Variants in CH25H observed in about 807,000 individuals in gnomAD.
CH25H encodes cholesterol 25-monooxygenase.
In CH25H, 10 loss-of-function variants were observed where a neutral mutation model predicts 16.6. The observed-to-expected ratio is 0.60, with a 90% CI of 0.37 to 1.02. The LOEUF is 1.02. CH25H is among the 50% of genes least tolerant of loss of function. CH25H has a pLI of 0.01. For missense variants in CH25H, 326 were observed against 344.7 expected, an observed-to-expected ratio of 0.95 and a Z score of 0.43; for synonymous variants, 178 against 158.8, an observed-to-expected ratio of 1.12 and a Z score of -0.91.
rs1564744896 is a variant in CH25H at position 89,206,219 on chromosome 10, T to C, written c.*255A>G. ...ATGCCAGTGATGAATGTCTAATTCA[T>C]ATGCAGGATTCAAGGCTATTGAGGT... On this transcript the variant is annotated 3_prime_UTR_variant, in exon 1 of 1. Coordinates refer to ENST00000371852, the MANE Select transcript of CH25H (RefSeq NM_003956.4). 6.7e-6 allele frequency: 3 copies of C among 447,384 alleles called. No individual in the cohort carries two copies. Among genetic ancestry groups the C allele is most frequent in the Non-Finnish European group, 1.2e-5 (3 of 247,028 alleles). 27.7% of individuals were successfully genotyped at this position (447,384 alleles called of 1,614,324 possible).
Position 89,206,648 on chromosome 10 carries a change from G to T in CH25H, c.645C>A (p.His215Gln). 1 of 1,614,262 alleles carries T rather than the reference G, an allele frequency of 6.2e-7. No individual in the cohort carries two copies. Among genetic ancestry groups the T allele is most frequent in the Non-Finnish European group, 8.5e-7 (1 of 1,180,046 alleles). The change falls in exon 1 of 1, where the codon CAC becomes CAA. Residue 215 changes from histidine to glutamine, a missense_variant. His to Gln is a conservative substitution (Grantham distance 24, BLOSUM62 0). Coordinates refer to ENST00000371852, the MANE Select transcript of CH25H (RefSeq NM_003956.4). ...VVNIWLSVED[H>Q]SGYNFPWSTH... ...TGGACCAAGGGAAGTTGTAGCCGGA[G>T]TGGTCCTCCACGGAAAGCCAGATGT...
rs1416085475 is a variant in CH25H at position 89,206,877 on chromosome 10, A to C, written c.416T>G (p.Phe139Cys). ...LFCLLLFDME[F>C]FVWHLLHHKV... ...GTGGTGCAGCAGGTGCCACACGAAGAACTCCATGTCGAAGAGTAGCAGGCA... is the reference window on the plus strand; with the variant it reads ...GTGGTGCAGCAGGTGCCACACGAAGCACTCCATGTCGAAGAGTAGCAGGCA... Residue 139 changes from phenylalanine to cysteine, a missense_variant, in exon 1 of 1, where the codon TTC (phenylalanine) becomes TGC (cysteine). By Grantham distance (205) the Phe-to-Cys change is radical (BLOSUM62 -2). Transcript: ENST00000371852. 1.2e-6 allele frequency: 2 copies of C among 1,614,242 alleles called. No homozygotes were observed. The highest frequency in any genetic ancestry group is 2.2e-5 in the South Asian group (2 of 91,088).
Position 89,206,025 on chromosome 10 carries a change from A to C in CH25H, c.*449T>G. 1 of 156,118 alleles carries C rather than the reference A, an allele frequency of 6.4e-6. No homozygotes were observed. 9.7% of individuals were successfully genotyped at this position (156,118 alleles called of 1,614,324 possible). On this transcript the variant is annotated 3_prime_UTR_variant, in exon 1 of 1. Coordinates refer to ENST00000371852, the MANE Select transcript of CH25H (RefSeq NM_003956.4). The stretch of plus-strand genomic sequence containing the variant: ...TACAGTTCTATAAAAAAATATAAGA[A>C]GGTACTATAATTCTTGGTCACTGTC...
Position 89,206,271 on chromosome 10 carries a change from CA to C in CH25H, c.*202del. The C allele has an allele frequency of 3.5e-6, 2 of 568,360 alleles. No homozygotes were observed. Among genetic ancestry groups the C allele is most frequent in the Non-Finnish European group, 3.1e-6 (1 of 319,942 alleles). The allele number at this position is 568,360 out of a possible 1,614,324, so 35.2% of individuals were successfully genotyped here. A position where few individuals can be genotyped will look rare whatever the true frequency, so the allele number is the denominator to read the frequency against. The stretch of plus-strand genomic sequence containing the variant: ...AGCTAGACTAAGAATACCAAGAACA[CA>C]AAATTGTATTGATACACAAACAGTA... On this transcript the variant is annotated 3_prime_UTR_variant, in exon 1 of 1. Transcript: ENST00000371852.
Position 89,206,616 on chromosome 10 carries a change from C to G in CH25H, c.677G>C (p.Arg226Thr). The change falls in exon 1 of 1, where the codon AGA (arginine) becomes ACA (threonine). Residue 226 changes from arginine (R) to threonine (T), a missense_variant. Physicochemically the swap from Arg to Thr is moderately conservative, Grantham distance 71. Coordinates refer to ENST00000371852, the MANE Select transcript of CH25H (RefSeq NM_003956.4). ...SGYNFPWSTH[R>T]LVPFGWYGGV... ...CCCGTACCACCCGAAGGGCACCAGTCTGTGAGTGGACCAAGGGAAGTTGTA... is the reference window on the plus strand; with the variant it reads ...CCCGTACCACCCGAAGGGCACCAGTGTGTGAGTGGACCAAGGGAAGTTGTA... 1 of 1,614,218 alleles carries G rather than the reference C, an allele frequency of 6.2e-7. No homozygotes were observed. Among genetic ancestry groups the G allele is most frequent in the Non-Finnish European group, 8.5e-7 (1 of 1,180,038 alleles).
In CH25H at chr10:89,207,206, G is replaced by C. The variant is rs756835272; in HGVS notation, c.87C>G (p.Ser29Arg). Residue 29 changes from serine (S) to arginine (R), a missense_variant, in exon 1 of 1, where the codon AGC becomes AGG. By Grantham distance (110) the Ser-to-Arg change is moderately radical. Coordinates refer to ENST00000371852, the MANE Select transcript of CH25H (RefSeq NM_003956.4). ...AGGGCGACTGTAGGAGGGCCTCCCAGCTCCTCAGGTGGTCCCAGAGGGGCT... is the reference window on the plus strand; with the variant it reads ...AGGGCGACTGTAGGAGGGCCTCCCACCTCCTCAGGTGGTCCCAGAGGGGCT... ...FLQPLWDHLR[S>R]WEALLQSPFF... 2 of 1,609,516 alleles carry C rather than the reference G, an allele frequency of 1.2e-6. No individual in the cohort carries two copies. The highest frequency in any genetic ancestry group is 1.3e-5 in the African/African-American group (1 of 75,050).
At position 89,206,534 on chromosome 10, in the gene CH25H, G is replaced by A; in HGVS notation, c.759C>T (p.Tyr253=). 1.9e-6 allele frequency: 3 copies of A among 1,614,008 alleles called. No homozygotes were observed. The highest frequency in any genetic ancestry group is 1.1e-5 in the South Asian group (1 of 91,040). The part of the protein sequence containing the change: ...HSHFNCNFAP[Y]FTHWDKILGT... Reference sequence around the variant, plus strand: ...CCAGTATTTTGTCCCAGTGTGTAAAGTACGGAGCGAAGTTGCAGTTAAAGT... The same window carrying A: ...CCAGTATTTTGTCCCAGTGTGTAAAATACGGAGCGAAGTTGCAGTTAAAGT... Residue 253 remains tyrosine (Y), a synonymous_variant, in exon 1 of 1, where the codon TAC becomes TAT. Coordinates refer to ENST00000371852, the MANE Select transcript of CH25H (RefSeq NM_003956.4).
rs1842500811 is a variant in CH25H at position 89,205,926 on chromosome 10, G to C, written c.*548C>G. On this transcript the variant is annotated 3_prime_UTR_variant, in exon 1 of 1. Coordinates refer to ENST00000371852, the MANE Select transcript of CH25H (RefSeq NM_003956.4). ...TATCAGTCAAAATACCAGTGAAACG[G>C]AAGTCAATACTTATTTGATTCATGG... 6.5e-6 allele frequency: 1 copy of C among 153,306 alleles called. No individual in the cohort carries two copies. The highest frequency in any genetic ancestry group is 2.4e-5 in the African/African-American group (1 of 41,414). The allele number at this position is 153,306 out of a possible 1,614,324, so 9.5% of individuals were successfully genotyped here.
rs1385646418 is a variant in CH25H at position 89,205,743 on chromosome 10, G to A, written c.*731C>T. ...GAATATTAGCGTGTTTTTCCTCCAT[G>A]AAATTGCTAGAGCACAACAAACAGA... On this transcript the variant is annotated 3_prime_UTR_variant, in exon 1 of 1. Coordinates refer to ENST00000371852, the MANE Select transcript of CH25H (RefSeq NM_003956.4). 1 of 152,192 alleles carries A rather than the reference G, an allele frequency of 6.6e-6. No individual in the cohort carries two copies. Among genetic ancestry groups the A allele is most frequent in the Non-Finnish European group, 1.5e-5 (1 of 68,044 alleles). 9.4% of individuals were successfully genotyped at this position (152,192 alleles called of 1,614,324 possible). A position where few individuals can be genotyped will look rare whatever the true frequency, so the allele number is the denominator to read the frequency against.
Position 89,206,398 on chromosome 10 carries a change from A to G in CH25H, c.*76T>C, listed in dbSNP as rs1383647576. The G allele has an allele frequency of 1.5e-5, 16 of 1,100,392 alleles. No individual in the cohort carries two copies. The highest frequency in any genetic ancestry group is 1.8e-5 in the Non-Finnish European group (14 of 765,612). The allele number at this position is 1,100,392 out of a possible 1,614,324, so 68.2% of individuals were successfully genotyped here. On this transcript the variant is annotated 3_prime_UTR_variant, in exon 1 of 1. Coordinates refer to ENST00000371852, the MANE Select transcript of CH25H (RefSeq NM_003956.4). ...AGTTAGTTGCTTTAAAAAAATATAT[A>G]GCTCAGGTGTTTCTCTTCATTCAAG...
rs1434235507 is a variant in CH25H, at chr10:89,206,592, C to T, written c.701G>A (p.Gly234Glu). ...ATGCAGGTCGTGGTGCACCACACCC[C>T]CGTACCACCCGAAGGGCACCAGTCT... is the stretch of plus-strand genomic sequence containing the variant. ...THRLVPFGWYGGVVHHDLHHS... is the reference protein window; with the variant it reads ...THRLVPFGWYEGVVHHDLHHS... The change falls in exon 1 of 1, where the codon GGG becomes GAG. Residue 234 changes from glycine (G) to glutamate (E), a missense_variant. By Grantham distance (98) the Gly-to-Glu change is moderately conservative. Transcript: ENST00000371852. 1.9e-6 allele frequency: 3 copies of T among 1,614,134 alleles called. No individual in the cohort carries two copies. The highest frequency in any genetic ancestry group is 1.1e-5 in the South Asian group (1 of 91,090).
chr10:89,207,052 C>T lies in CH25H; in HGVS notation c.241G>A (p.Ala81Thr), dbSNP rs1273528809. 6.2e-7 allele frequency: 1 copy of T among 1,613,998 alleles called. No homozygotes were observed. The highest frequency in any genetic ancestry group is 1.7e-5 in the Admixed American group (1 of 59,990). Residue 81 changes from alanine to threonine, a missense_variant, in exon 1 of 1, where the codon GCG becomes ACG. Ala to Thr is a moderately conservative substitution (Grantham distance 58, BLOSUM62 0). Coordinates refer to ENST00000371852, the MANE Select transcript of CH25H (RefSeq NM_003956.4). ...CCCAGGCAAGGTAGCAGCTGCTGCG[C>T]GGATGGCGAGAAGTCAGGGTGGATC... ...YKIHPDFSPSAQQLLPCLGQT... is the reference protein window; with the variant it reads ...YKIHPDFSPSTQQLLPCLGQT...
Position 89,206,528 on chromosome 10 carries a change from T to A in CH25H, c.765A>T (p.Thr255=), listed in dbSNP as rs757603807. 1 of 1,613,952 alleles carries A rather than the reference T, an allele frequency of 6.2e-7. No homozygotes were observed. The highest frequency in any genetic ancestry group is 8.5e-7 in the Non-Finnish European group (1 of 1,179,934). Residue 255 remains threonine, a synonymous_variant, in exon 1 of 1, where the codon ACA becomes ACT. Transcript: ENST00000371852. The part of the protein sequence containing the change: ...HFNCNFAPYF[T]HWDKILGTLR... ...GCGTTCCCAGTATTTTGTCCCAGTG[T>A]GTAAAGTACGGAGCGAAGTTGCAGT... is the stretch of plus-strand genomic sequence containing the variant.
In CH25H at chr10:89,207,239, C is replaced by G. The variant is rs10887932; in HGVS notation, c.54G>C (p.Leu18=). Residue 18 remains leucine (L), a synonymous_variant, in exon 1 of 1, where the codon CTG becomes CTC. Transcript: ENST00000371852. ...DPQVLCSSGQ[L]FLQPLWDHLR... is the part of the protein sequence containing the mutation. The stretch of plus-strand genomic sequence containing the variant: ...GGTGGTCCCAGAGGGGCTGCAGGAA[C>G]AGCTGCCCGGAGCTGCAAAGGACCT... 244,322 of 1,601,576 alleles carry G rather than the reference C, an allele frequency of 0.15. 30,692 individuals are homozygous for G. The highest frequency in any genetic ancestry group is 0.76 in the East Asian group (33,790 of 44,360).
rs749544497 is a variant in CH25H at position 89,206,801 on chromosome 10, C to T, written c.492G>A (p.Ser164=). ...RTFHKVHHQN[S]SSFALATQYM... is the part of the protein sequence containing the mutation. ...ACTGCGTTGCCAGCGCGAACGAGGA[C>T]GAGTTCTGGTGGTGCACCTTGTGGA... The change falls in exon 1 of 1, where the codon TCG becomes TCA. Residue 164 remains serine (S), a synonymous_variant. Coordinates refer to ENST00000371852, the MANE Select transcript of CH25H (RefSeq NM_003956.4). The T allele has an allele frequency of 6.2e-7, 1 of 1,614,230 alleles. No individual in the cohort carries two copies. The highest frequency in any genetic ancestry group is 8.5e-7 in the Non-Finnish European group (1 of 1,180,042).
Position 89,207,050 on chromosome 10 carries a change from C to G in CH25H, c.243G>C (p.Ala81=). The G allele has an allele frequency of 6.2e-7, 1 of 1,614,008 alleles. No individual in the cohort carries two copies. Among genetic ancestry groups the G allele is most frequent in the Non-Finnish European group, 8.5e-7 (1 of 1,179,948 alleles). The change falls in exon 1 of 1, where the codon GCG becomes GCC. Residue 81 remains alanine (A), a synonymous_variant. Transcript: ENST00000371852. ...YKIHPDFSPS[A]QQLLPCLGQT... ...GCCCCAGGCAAGGTAGCAGCTGCTG[C>G]GCGGATGGCGAGAAGTCAGGGTGGA...
chr10:89,206,004 G>A lies in CH25H; in HGVS notation c.*470C>T, dbSNP rs1349829690. 6.5e-6 allele frequency: 1 copy of A among 154,880 alleles called. No homozygotes were observed. The highest frequency in any genetic ancestry group is 2.4e-5 in the African/African-American group (1 of 41,348). 9.6% of individuals were successfully genotyped at this position (154,880 alleles called of 1,614,324 possible). On this transcript the variant is annotated 3_prime_UTR_variant, in exon 1 of 1. Transcript: ENST00000371852. ...ACATTTCTTTCAAAATAAATATACA[G>A]TTCTATAAAAAAATATAAGAAGGTA...
At position 89,206,113 on chromosome 10, in the gene CH25H, C is replaced by G; in HGVS notation, c.*361G>C. On this transcript the variant is annotated 3_prime_UTR_variant, in exon 1 of 1. Transcript: ENST00000371852. ...TCAACACCATCCACAAAAATACATT[C>G]TTTTAGCCAGGTTTTAGAACACTTT... The G allele has an allele frequency of 5.0e-6, 1 of 201,556 alleles. No homozygotes were observed. The highest frequency in any genetic ancestry group is 5.2e-5 in the Admixed American group (1 of 19,174). 12.5% of individuals were successfully genotyped at this position (201,556 alleles called of 1,614,324 possible). A position where few individuals can be genotyped will look rare whatever the true frequency, so the allele number is the denominator to read the frequency against.
At position 89,206,363 on chromosome 10, in the gene CH25H, T is replaced by C. The variant is rs1649965435; in HGVS notation, c.*111A>G. 1.3e-6 allele frequency: 1 copy of C among 788,312 alleles called. No homozygotes were observed. Among genetic ancestry groups the C allele is most frequent in the South Asian group, 1.8e-5 (1 of 54,470 alleles). 48.8% of individuals were successfully genotyped at this position (788,312 alleles called of 1,614,324 possible). ...TATCTATGGTTTTCATAGATAAACA[T>C]AAAGCAATAAGTTAGTTGCTTTAAA... On this transcript the variant is annotated 3_prime_UTR_variant, in exon 1 of 1. Transcript: ENST00000371852.
Sources: gnomAD v4.1 joint callset for allele counts on GRCh38, gnomAD v4.1.1 for gene constraint, MANE v1.5 for transcripts, NCBI Gene and HGNC (gene_info 2026-07-23, HGNC 2026-07-21) for gene names.